Variants in UBE2F observed in about 807,000 individuals in gnomAD.
UBE2F encodes NEDD8-conjugating enzyme UBE2F.
In UBE2F, 5 loss-of-function variants were observed where a neutral mutation model predicts 29.6. The observed-to-expected ratio is 0.17, with a 90% CI of 0.09 to 0.36. The LOEUF (loss-of-function observed/expected upper bound fraction) is 0.36, where lower values mean the gene tolerates loss of function less well. Ranked by LOEUF, UBE2F falls within the 10% of genes least tolerant of loss-of-function variation. The pLI is 1.00. For missense variants in UBE2F, 141 were observed against 228.5 expected, an observed-to-expected ratio of 0.62 and a Z score of 2.47; for synonymous variants, 66 against 81.8, an observed-to-expected ratio of 0.81 and a Z score of 1.04.
intron 8 of UBE2F, chr2:238,035,211 C>T (rs1482958087): frequency 1.3e-5 from 2 of 152,548 alleles, no homozygotes; most frequent in African/African-American, 4.8e-5. Flanking sequence ...CCCTGATTCT[C>T]AACAAGAGGG....
In UBE2F at chr2:238,001,395, T is replaced by G. The variant is rs570268497; in HGVS notation, c.214+6586T>G. Among the ~76,000 whole-genome samples the G allele has an allele frequency of 2.6e-5, 4 of 152,336 alleles. No individual in the cohort carries two copies. The South Asian group carries it at 8.3e-4, about 32-fold the overall frequency. ...CTTGATATGAATCCTTTATCAGATA[T>G]GTGGTGTTTTTTTTTAAAGGGTTTT... On this transcript the variant is annotated intron_variant, in intron 4 of 9. Transcript: ENST00000272930.
intron 3 of UBE2F, among the ~76,000 whole-genome samples, chr2:237,988,468 T>A (rs1396804196): frequency 2.0e-5 from 3 of 151,226 alleles, no homozygotes; most frequent in Non-Finnish European, 4.4e-5. Context: ...AAAATTGGAT[T>A]AGCTGGGCCT....
At chr2:237,975,101 T>A (rs989518908) in intron 2 of UBE2F, among the ~76,000 whole-genome samples, 1 of 146,514 alleles carries the variant, frequency 6.8e-6, no homozygotes, top group African/African-American at 2.7e-5. Flanking sequence ...TACATTTCTT[T>A]AAAATTTTTT....
intron 2 of UBE2F, among the ~76,000 whole-genome samples, chr2:237,981,458 G>A (rs116567358): frequency 6.6e-5 from 10 of 152,128 alleles, no homozygotes; most frequent in African/African-American, 1.9e-4. Flanking sequence ...GTCCTTGCTT[G>A]CACTATCTCT....
At chr2:237,973,054 A>C in intron 1 of UBE2F, 38 bp from the exon 2 acceptor site, 1 of 1,567,856 alleles carries the variant, frequency 6.4e-7, no homozygotes, top group East Asian at 2.3e-5. Context: ...GTCTCTGGAG[A>C]CCTGGTCCTT....
intron 6 of UBE2F, 56 bp from the exon 7 acceptor site, chr2:238,030,500 C>G: frequency 7.6e-7 from 1 of 1,308,350 alleles, no homozygotes; most frequent in Non-Finnish European, 1.1e-6. Context: ...TAGTTGGCAG[C>G]GTGCAGGGCA....
intron 4 of UBE2F, among the ~76,000 whole-genome samples, chr2:237,997,097 C>T (rs998089973): frequency 1.3e-5 from 2 of 151,836 alleles, no homozygotes; most frequent in Non-Finnish European, 2.9e-5. Context: ...GGTGGTGGTG[C>T]GTGCCTGTAA....
chr2:237,968,533 C>A (rs1425574383), intron 1 of UBE2F, among the ~76,000 whole-genome samples: 1 of 152,156 alleles, frequency 6.6e-6, no homozygotes, highest in Non-Finnish European at 1.5e-5. Context: ...CGTCTCCATT[C>A]GGAAGGAATT....
intron 2 of UBE2F, 60 bp from the exon 3 acceptor site, chr2:237,987,903 A>G: frequency 1.1e-6 from 1 of 941,418 alleles, no homozygotes; most frequent in Non-Finnish European, 1.6e-6. Flanking sequence ...CCAATTTAGA[A>G]CTGGTGATTT....
intron 8 of UBE2F, among the ~76,000 whole-genome samples, chr2:238,034,893 CTT>C (rs1048105036): frequency 6.9e-6 from 1 of 145,112 alleles, no homozygotes; most frequent in Non-Finnish European, 1.5e-5. Flanking sequence ...CTGATTTTTT[CTT>C]TTTTTTTTTG....
chr2:238,030,481 C>T (rs1000918611), intron 6 of UBE2F, 75 bp from the exon 7 acceptor site: 49 of 1,021,704 alleles, frequency 4.8e-5, no homozygotes, highest in Non-Finnish European at 6.6e-5. Context: ...TGGCACACAC[C>T]GAGAGGACTA....
intron 2 of UBE2F, among the ~76,000 whole-genome samples, chr2:237,979,321 C>T (rs1226352252): frequency 6.6e-6 from 1 of 152,164 alleles, no homozygotes; most frequent in African/African-American, 2.4e-5. Flanking sequence ...GATGCAGGGG[C>T]CTCTCTCTGT....
At chr2:237,976,937 G>A (rs527351309) in intron 2 of UBE2F, among the ~76,000 whole-genome samples, 5 of 152,252 alleles carry the variant, frequency 3.3e-5, no homozygotes, top group African/African-American at 1.2e-4. Context: ...TACTGGGGTA[G>A]GACAGGCTCT....
chr2:238,024,330 T>TGTTTGGTTTG (rs945456781), intron 5 of UBE2F, among the ~76,000 whole-genome samples: 2 of 152,346 alleles, frequency 1.3e-5, no homozygotes, highest in Non-Finnish European at 2.9e-5. Context: ...CAGAGAAATC[T>TGTTTGGTTTG]GTTTGGTTTG....
intron 2 of UBE2F, among the ~76,000 whole-genome samples, chr2:237,974,603 C>G (rs1668324244): frequency 6.7e-6 from 1 of 150,368 alleles, no homozygotes; most frequent in Non-Finnish European, 1.5e-5. Flanking sequence ...AACCTCTGCC[C>G]CCAGGGTTCA....
At chr2:237,980,764 C>T (rs1368831931) in intron 2 of UBE2F, among the ~76,000 whole-genome samples, 3 of 152,168 alleles carry the variant, frequency 2.0e-5, no homozygotes, top group Non-Finnish European at 2.9e-5. Flanking sequence ...CCCATGTGTG[C>T]CCAGCCCCAG....
At chr2:238,021,935 G>C (rs1332942304) in intron 5 of UBE2F, among the ~76,000 whole-genome samples, 1 of 152,114 alleles carries the variant, frequency 6.6e-6, no homozygotes, top group African/African-American at 2.4e-5. Flanking sequence ...TCCTAGACAT[G>C]GCATTATGGG....
chr2:238,002,653 C>A (rs189668854), intron 4 of UBE2F, among the ~76,000 whole-genome samples: 2 of 152,206 alleles, frequency 1.3e-5, no homozygotes, highest in East Asian at 3.9e-4. Context: ...ACTCCATCAC[C>A]CAGGCTGGAG....
intron 4 of UBE2F, among the ~76,000 whole-genome samples, chr2:238,010,398 C>T (rs2063997172): frequency 6.6e-6 from 1 of 152,208 alleles, no homozygotes; most frequent in African/African-American, 2.4e-5. Context: ...GTCTCGAACT[C>T]TTGACCTTGT....
Sources: gnomAD v4.1 joint callset for allele counts (sites outside exome capture counted in the v4.1 genomes callset) on GRCh38, gnomAD v4.1.1 for gene constraint, MANE v1.5 for transcripts, NCBI Gene and HGNC (gene_info 2026-07-23, HGNC 2026-07-21) for gene names.